Variants in LPP observed in about 807,000 individuals in gnomAD.
LPP encodes lipoma-preferred partner.
LPP carries 38 observed loss-of-function variants against 60.4 expected under a neutral mutation model. The ratio of observed to expected loss-of-function variants is 0.63; its 90% confidence interval spans 0.49 to 0.83. LPP has a LOEUF of 0.83. LPP is among the 40% of genes least tolerant of loss of function. LPP has a pLI of 0.00. For missense variants in LPP, 902 were observed against 783.6 expected (o/e 1.15, Z -1.80); for synonymous variants, 328 against 290.8 (o/e 1.13, Z -1.30).
At chr3:188,613,813 A>T (rs976361748) in intron 7 of LPP, among the ~76,000 whole-genome samples, 2 of 152,070 alleles carry the variant, frequency 1.3e-5, no homozygotes, top group Non-Finnish European at 2.9e-5. Flanking sequence ...GGACTTTAAG[A>T]TCTGTAATTT....
intron 6 of LPP, among the ~76,000 whole-genome samples, chr3:188,547,579 C>A (rs2150467277): frequency 6.6e-6 from 1 of 152,290 alleles, no homozygotes; most frequent in South Asian, 2.1e-4. Context: ...AGCACATTTG[C>A]AATACACTGT....
At position 188,887,706 on chromosome 3, in the gene LPP, T is replaced by C. The variant is rs906585669; in HGVS notation, c.*13227T>C. ...ATGGGACCATGCCATCCTTCTAGCATAATGGAGAAGTCTGAACTGAGGAGT... is the reference window on the plus strand; with the variant it reads ...ATGGGACCATGCCATCCTTCTAGCACAATGGAGAAGTCTGAACTGAGGAGT... On this transcript the variant is annotated 3_prime_UTR_variant, in exon 12 of 12. Coordinates refer to ENST00000617246, the MANE Select transcript of LPP (RefSeq NM_001375462.1). 4 of 211,796 alleles carry C rather than the reference T, an allele frequency of 1.9e-5. No homozygotes were observed. Among genetic ancestry groups the C allele is most frequent in the South Asian group, 3.7e-4 (2 of 5,336 alleles). The allele number at this position is 211,796 out of a possible 1,614,324, so 13.1% of individuals were successfully genotyped here. A position where few individuals can be genotyped will look rare whatever the true frequency, so the allele number is the denominator to read the frequency against.
At chr3:188,732,374 C>G (rs1720927975) in intron 8 of LPP, among the ~76,000 whole-genome samples, 1 of 152,098 alleles carries the variant, frequency 6.6e-6, no homozygotes, top group African/African-American at 2.4e-5. Context: ...CATTTACATC[C>G]CCAAATTCCC....
chr3:188,302,234 A>G (rs1750127988), intron 2 of LPP, among the ~76,000 whole-genome samples: 1 of 152,162 alleles, frequency 6.6e-6, no homozygotes, highest in African/African-American at 2.4e-5. Flanking sequence ...TAACTAAGAA[A>G]CAGAGACTCA....
intron 8 of LPP, among the ~76,000 whole-genome samples, chr3:188,754,611 T>C (rs764447562): frequency 6.6e-6 from 1 of 152,008 alleles, no homozygotes; most frequent in Non-Finnish European, 1.5e-5. Flanking sequence ...ATATCCCACC[T>C]CCAGACCAAT....
intron 9 of LPP, among the ~76,000 whole-genome samples, chr3:188,783,327 G>A (rs543144001): frequency 3.3e-5 from 5 of 152,144 alleles, no homozygotes; most frequent in African/African-American, 1.2e-4. Context: ...GCGACAGACT[G>A]GATAAAGAAA....
intron 9 of LPP, among the ~76,000 whole-genome samples, 157 bp downstream of exon 9, chr3:188,760,439 T>TGTGTGC (rs55988915): frequency 4.0e-4 from 60 of 150,038 alleles, no homozygotes; most frequent in African/African-American, 1.4e-3. Context: ...TGTGTGTGCG[T>TGTGTGC]GCGCGCATGT....
chr3:188,662,007 A>G (rs762225487), intron 7 of LPP, among the ~76,000 whole-genome samples: 1 of 152,266 alleles, frequency 6.6e-6, no homozygotes, highest in Non-Finnish European at 1.5e-5. Context: ...GAACATTTCA[A>G]CATCTGCTGT....
At chr3:188,789,098 G>GT (rs60357875) in intron 9 of LPP, among the ~76,000 whole-genome samples, 42,673 of 147,476 alleles carry the variant, frequency 0.29, 7,335 homozygotes, top group East Asian at 0.78. Flanking sequence ...TTGTTGTTGG[G>GT]TTTTTTTTTT....
At chr3:188,632,985 T>A (rs1349509122) in intron 7 of LPP, among the ~76,000 whole-genome samples, 1 of 152,190 alleles carries the variant, frequency 6.6e-6, no homozygotes, top group Non-Finnish European at 1.5e-5. Flanking sequence ...GGGAGAAAAG[T>A]CTAACATACT....
chr3:188,325,426 G>A (rs1758147578), intron 2 of LPP, among the ~76,000 whole-genome samples: 1 of 152,046 alleles, frequency 6.6e-6, no homozygotes, highest in Admixed American at 6.5e-5. Flanking sequence ...TATCTTTCAA[G>A]GCTTAGCTCA....
At chr3:188,160,907 T>C (rs1718064974) in intron 1 of LPP, among the ~76,000 whole-genome samples, 1 of 152,232 alleles carries the variant, frequency 6.6e-6, no homozygotes, top group Admixed American at 6.5e-5. Flanking sequence ...CTAGAAGAAC[T>C]GGTGAATGCC....
intron 5 of LPP, among the ~76,000 whole-genome samples, chr3:188,496,407 G>A (rs1430382404): frequency 2.0e-5 from 3 of 152,166 alleles, no homozygotes; most frequent in Non-Finnish European, 2.9e-5. Flanking sequence ...GATTACAGGC[G>A]TGAGCCACTG....
chr3:188,874,563 C>T lies in LPP; in HGVS notation c.*84C>T, dbSNP rs983851654. 2.4e-5 allele frequency: 34 copies of T among 1,443,022 alleles called. No individual in the cohort carries two copies. In the South Asian group the frequency reaches 3.1e-4, roughly 13 times the overall value. The allele number at this position is 1,443,022 out of a possible 1,614,324, so 89.4% of individuals were successfully genotyped here. On this transcript the variant is annotated 3_prime_UTR_variant, in exon 12 of 12. Coordinates refer to ENST00000617246, the MANE Select transcript of LPP (RefSeq NM_001375462.1). ...TACTAGAGTAAAGGCCATCAAACTA[C>T]GCGATAGTCTCTGTTCTTCATCTGC...
rs138755915 is a variant in LPP at position 188,241,727 on chromosome 3, C to T, written c.-67+16200C>T. On this transcript the variant is annotated intron_variant, in intron 2 of 11. Transcript: ENST00000617246. ...TATTTTTAAAGAATCTTCAGAGAGTCGTTGACTTTGTTATAACTACTACTA... is the reference window on the plus strand; with the variant it reads ...TATTTTTAAAGAATCTTCAGAGAGTTGTTGACTTTGTTATAACTACTACTA... Among the ~76,000 whole-genome samples, 236 of 152,084 alleles carry T rather than the reference C, an allele frequency of 1.6e-3. 1 individual carries two copies. The highest frequency in any genetic ancestry group is 5.4e-3 in the African/African-American group (223 of 41,406).
At chr3:188,206,146 T>A (rs1733147650) in intron 1 of LPP, among the ~76,000 whole-genome samples, 1 of 152,136 alleles carries the variant, frequency 6.6e-6, no homozygotes, top group African/African-American at 2.4e-5. Flanking sequence ...ACACACCTCC[T>A]TTAATTCAAA....
At chr3:188,783,685 A>G (rs919540022) in intron 9 of LPP, among the ~76,000 whole-genome samples, 2 of 150,972 alleles carry the variant, frequency 1.3e-5, no homozygotes, top group Non-Finnish European at 1.5e-5. Flanking sequence ...AAACCTTCAC[A>G]TATACCCCTG....
intron 4 of LPP, among the ~76,000 whole-genome samples, chr3:188,431,630 G>A (rs1457448923): frequency 6.6e-6 from 1 of 152,124 alleles, no homozygotes; most frequent in Non-Finnish European, 1.5e-5. Context: ...CAAGACAAGA[G>A]TTCACTGGAG....
chr3:188,428,722 G>A (rs567066831), intron 4 of LPP, among the ~76,000 whole-genome samples: 74 of 151,948 alleles, frequency 4.9e-4, no homozygotes, highest in African/African-American at 1.7e-3. Flanking sequence ...TCTAGTGCAG[G>A]AAACTGAAAG....
Sources: allele counts gnomAD v4.1 joint callset (sites outside exome capture counted in the v4.1 genomes callset), GRCh38; gene constraint gnomAD v4.1.1; transcripts MANE v1.5; gene names NCBI Gene and HGNC (gene_info 2026-07-23, HGNC 2026-07-21).